IGFL2: variants seen among roughly 807,000 people sequenced by gnomAD.
The protein encoded by IGFL2 is insulin growth factor-like family member 2.
Under a neutral mutation model 13.9 loss-of-function variants are expected in IGFL2, and 7 were observed. The ratio of observed to expected loss-of-function variants is 0.51; its 90% CI spans 0.29 to 0.95. The LOEUF is 0.95. IGFL2 is among the 40% of genes least tolerant of loss of function. IGFL2 has a pLI of 0.08. For synonymous variants in IGFL2, 55 were observed against 55.8 expected (o/e 0.99, Z 0.07); for missense variants, 138 against 147.8 (o/e 0.93, Z 0.34).
the IGFL2 span, among the ~76,000 whole-genome samples, chr19:46,087,272 G>A: frequency 1.3e-5 from 2 of 152,166 alleles, no homozygotes; most frequent in Non-Finnish European, 2.9e-5. Flanking sequence ...GGGTGCACTA[G>A]GCAGGCCATT....
the IGFL2 span, among the ~76,000 whole-genome samples, chr19:46,092,652 T>G: frequency 4.6e-5 from 7 of 151,948 alleles, no homozygotes; most frequent in Admixed American, 4.6e-4. Context: ...AAAAAAAATT[T>G]TTTTTTTTTG....
the IGFL2 span, chr19:46,212,204 G>A: frequency 2.6e-5 from 4 of 152,276 alleles, no homozygotes; most frequent in Non-Finnish European, 5.9e-5. Flanking sequence ...AGATGGTGCT[G>A]GAAGCAGGGT....
chr19:46,176,936 A>G, the IGFL2 span, among the ~76,000 whole-genome samples: 1 of 152,166 alleles, frequency 6.6e-6, no homozygotes, highest in South Asian at 2.1e-4. Context: ...CCCAGTTGGG[A>G]GAAGAAAAGG....
chr19:46,099,960 C>G, the IGFL2 span, among the ~76,000 whole-genome samples: 1 of 152,154 alleles, frequency 6.6e-6, no homozygotes, highest in Non-Finnish European at 1.5e-5. Flanking sequence ...GTGCTGTGTT[C>G]TTCAGCTCCA....
intron 1 of IGFL2, among the ~76,000 whole-genome samples, chr19:46,149,427 A>C (rs967405866): frequency 6.7e-6 from 1 of 148,276 alleles, no homozygotes; most frequent in Non-Finnish European, 1.5e-5. Context: ...TCCTCTCTCA[A>C]GTTGAAGGAA....
chr19:46,085,448 A>C, the IGFL2 span, among the ~76,000 whole-genome samples: 1 of 152,176 alleles, frequency 6.6e-6, no homozygotes, highest in African/African-American at 2.4e-5. Flanking sequence ...TAGAATAAGA[A>C]TAGCAACCCC....
the IGFL2 span, among the ~76,000 whole-genome samples, chr19:46,137,769 T>C: frequency 4.6e-5 from 7 of 152,202 alleles, no homozygotes; most frequent in Non-Finnish European, 8.8e-5. Context: ...AAAGAACCAG[T>C]CTTTGAGCTC....
upstream of IGFL2, among the ~76,000 whole-genome samples, chr19:46,145,600 A>ATGTGTGTGTGTGTGTG (rs1024196099): frequency 2.4e-4 from 23 of 94,572 alleles, no homozygotes; most frequent in African/African-American, 6.7e-4. Context: ...ACTCATATAT[A>ATGTGTGTGTGTGTGTG]TGTGTGTGTG....
At chr19:46,126,532 A>G in the IGFL2 span, among the ~76,000 whole-genome samples, 1 of 152,216 alleles carries the variant, frequency 6.6e-6, no homozygotes, top group Non-Finnish European at 1.5e-5. Flanking sequence ...CTCAGAAACA[A>G]AATGTGATAC....
chr19:46,139,170 G>C (rs1394365913), upstream of IGFL2, among the ~76,000 whole-genome samples: 7 of 151,686 alleles, frequency 4.6e-5, no homozygotes, highest in Admixed American at 4.6e-4. Context: ...AGGGTTTCCA[G>C]CTTCCTCCCC....
At chr19:46,149,151 C>CCTCTCTCTCTTCT in intron 1 of IGFL2, 1 of 216,348 alleles carries the variant, frequency 4.6e-6, no homozygotes, top group African/African-American at 2.7e-5. Flanking sequence ...TCTCTCTCTC[C>CCTCTCTCTCTTCT]CTCTCTCTCT....
chr19:46,166,708 C>T, the IGFL2 span, among the ~76,000 whole-genome samples: 1 of 152,180 alleles, frequency 6.6e-6, no homozygotes, highest in East Asian at 1.9e-4. Flanking sequence ...AGACGTACCC[C>T]TAGGTGCGCA....
chr19:46,208,910 A>T, the IGFL2 span: 1 of 152,178 alleles, frequency 6.6e-6, no homozygotes, highest in African/African-American at 2.4e-5. Context: ...GGACTAATAC[A>T]CATTTCTACT....
In IGFL2 at chr19:46,160,769, G is replaced by C. The variant is rs1406050284; in HGVS notation, c.229G>C (p.Glu77Gln). 6.2e-7 allele frequency: 1 copy of C among 1,614,070 alleles called. No homozygotes were observed. The highest frequency in any genetic ancestry group is 1.3e-5 in the African/African-American group (1 of 74,922). The change falls in exon 3 of 4, where the codon GAG becomes CAG. Residue 77 changes from glutamate (E) to glutamine (Q), a missense_variant. Physicochemically the swap from Glu to Gln is conservative, Grantham distance 29 (BLOSUM62 2). Transcript: ENST00000377693. ...GPPCTFWPCF[E>Q]LCCLDSFGLT... ...CCCCTGCACCTTCTGGCCCTGCTTT[G>C]AGCTCTGCTGTCTTGATTCCTTTGG...
At chr19:46,138,321 G>A (rs938135593), upstream of IGFL2, among the ~76,000 whole-genome samples, 9 of 152,246 alleles carry the variant, frequency 5.9e-5, no homozygotes, top group Middle Eastern at 3.4e-3. Flanking sequence ...GGGCTGCATC[G>A]TCTAACCCTG....
chr19:46,172,984 A>G, the IGFL2 span, among the ~76,000 whole-genome samples: 1 of 152,192 alleles, frequency 6.6e-6, no homozygotes, highest in Non-Finnish European at 1.5e-5. Context: ...CTTGGTATTT[A>G]TAGCATGAAA....
chr19:46,211,385 CT>C, the IGFL2 span, among the ~76,000 whole-genome samples: 1 of 152,210 alleles, frequency 6.6e-6, no homozygotes, highest in Non-Finnish European at 1.5e-5. Flanking sequence ...CCCGGCCTTC[CT>C]TCTACATACC....
chr19:46,189,418 G>A, the IGFL2 span, among the ~76,000 whole-genome samples: 4 of 152,140 alleles, frequency 2.6e-5, no homozygotes, highest in South Asian at 2.1e-4. Flanking sequence ...GGATAACTGC[G>A]GGCAGGCCTG....
At chr19:46,131,480 T>C in the IGFL2 span, among the ~76,000 whole-genome samples, 1 of 152,186 alleles carries the variant, frequency 6.6e-6, no homozygotes, top group East Asian at 1.9e-4. Context: ...TTGTAAACAT[T>C]GTTTGGCTTT....
Sources: gnomAD v4.1 joint callset for allele counts (sites outside exome capture counted in the v4.1 genomes callset) on GRCh38, gnomAD v4.1.1 for gene constraint, MANE v1.5 for transcripts, NCBI Gene and HGNC (gene_info 2026-07-23, HGNC 2026-07-21) for gene names.